Variants in DDX31 observed in about 807,000 individuals in gnomAD.
The protein encoded by DDX31 is DEAD-box helicase 31.
A neutral mutation model predicts 91.3 loss-of-function variants in DDX31; 70 were observed. The ratio of observed to expected loss-of-function variants is 0.77; its 90% CI spans 0.63 to 0.94. The LOEUF (loss-of-function observed/expected upper bound fraction) is 0.94. Ranked by LOEUF, DDX31 falls within the 40% of genes least tolerant of loss-of-function variation. The pLI is 0.00. For synonymous variants in DDX31, 362 were observed against 350.6 expected (o/e 1.03, Z -0.36); for missense variants, 902 against 925.0 (o/e 0.98, Z 0.32).
intron 4 of DDX31, among the ~76,000 whole-genome samples, chr9:132,660,034 C>A (rs974020797): frequency 2.6e-5 from 4 of 152,104 alleles, no homozygotes; most frequent in Non-Finnish European, 5.9e-5. Context: ...TAAACTAATT[C>A]TTTTAAAAAT....
chr9:132,650,535 C>T (rs1834121976), intron 8 of DDX31, among the ~76,000 whole-genome samples: 1 of 152,180 alleles, frequency 6.6e-6, no homozygotes, highest in Admixed American at 6.5e-5. Flanking sequence ...GAAATGTGAG[C>T]TTCTTAAATC....
chr9:132,654,612 CAAACA>C (rs762810467), intron 6 of DDX31, among the ~76,000 whole-genome samples: 19 of 151,802 alleles, frequency 1.3e-4, no homozygotes, highest in African/African-American at 2.4e-4. Flanking sequence ...GACTTCATCT[CAAACA>C]AAACAAAACA....
chr9:132,630,700 T>C (rs1407206872), intron 15 of DDX31, among the ~76,000 whole-genome samples: 3 of 152,178 alleles, frequency 2.0e-5, no homozygotes, highest in African/African-American at 7.2e-5. Flanking sequence ...CATTTTCTTA[T>C]TTGCATCTTT....
chr9:132,627,109 GAA>G (rs957165702), intron 16 of DDX31, among the ~76,000 whole-genome samples: 1 of 151,584 alleles, frequency 6.6e-6, no homozygotes, highest in Non-Finnish European at 1.5e-5. Flanking sequence ...TTTTTCTTGA[GAA>G]AAAAAGAGGA....
intron 14 of DDX31, among the ~76,000 whole-genome samples, chr9:132,641,623 C>T (rs1035919600): frequency 2.6e-5 from 4 of 152,146 alleles, no homozygotes; most frequent in Admixed American, 6.5e-5. Context: ...CCAAATGCAC[C>T]GATTTTCCTT....
intron 19 of DDX31, among the ~76,000 whole-genome samples, chr9:132,596,544 G>A (rs1263708297): frequency 6.6e-6 from 1 of 152,192 alleles, no homozygotes; most frequent in Non-Finnish European, 1.5e-5. Context: ...TGGGGTCTGT[G>A]GGAAATGATT....
intron 14 of DDX31, among the ~76,000 whole-genome samples, chr9:132,640,955 A>C (rs1407762701): frequency 6.6e-6 from 1 of 152,206 alleles, no homozygotes; most frequent in Non-Finnish European, 1.5e-5. Context: ...TCTCCTCAGG[A>C]GGCAAGTATT....
intron 19 of DDX31, among the ~76,000 whole-genome samples, chr9:132,609,055 G>A (rs897169851): frequency 1.3e-5 from 2 of 152,180 alleles, no homozygotes; most frequent in African/African-American, 4.8e-5. Context: ...GAAAGGCAGG[G>A]GTGGGGGGAG....
chr9:132,620,940 A>C (rs1831990623), intron 17 of DDX31, among the ~76,000 whole-genome samples: 1 of 152,214 alleles, frequency 6.6e-6, no homozygotes, highest in Non-Finnish European at 1.5e-5. Flanking sequence ...ATCCGCACGC[A>C]ATGCACCTTT....
Position 132,668,834 on chromosome 9 carries a change from C to T in DDX31, c.75+1026G>A, listed in dbSNP as rs570763646. On this transcript the variant is annotated intron_variant, in intron 1 of 19. Transcript: ENST00000372159. ...CCGCCTGCCTCGGCCTCCCAAAGTGCTGGGATTACAGGCGTGAGCCACCGC... is the reference window on the plus strand; with the variant it reads ...CCGCCTGCCTCGGCCTCCCAAAGTGTTGGGATTACAGGCGTGAGCCACCGC... 3.5e-3 allele frequency among the ~76,000 whole-genome samples: 527 copies of T among 152,300 alleles called. 1 individual carries two copies. The highest frequency in any genetic ancestry group is 0.012 in the African/African-American group (497 of 41,560).
At chr9:132,642,887 C>T (rs1322638511) in intron 13 of DDX31, among the ~76,000 whole-genome samples, 1 of 151,398 alleles carries the variant, frequency 6.6e-6, no homozygotes, top group Non-Finnish European at 1.5e-5. Flanking sequence ...GCTCACTGCA[C>T]AATCTCAGCT....
rs539807662 is a variant in DDX31 at position 132,628,012 on chromosome 9, AG to A, written c.1631+2251del. On this transcript the variant is annotated intron_variant, in intron 16 of 19. Transcript: ENST00000372159. ...ACTGCGCACTTTGCAACTAGTTAATAGGGGTTTTGTTGTTGTCGTTGTTGCT... is the reference window on the plus strand; with the variant it reads ...ACTGCGCACTTTGCAACTAGTTAATAGGGTTTTGTTGTTGTCGTTGTTGCT... Among the ~76,000 whole-genome samples the A allele has an allele frequency of 1.8e-4, 27 of 152,372 alleles. No homozygotes were observed. The South Asian group carries it at 5.6e-3, about 32-fold the overall frequency.
intron 14 of DDX31, chr9:132,637,922 G>GT (rs1564312222): frequency 4.0e-6 from 4 of 996,492 alleles, no homozygotes; most frequent in Admixed American, 5.8e-5. Context: ...CTTCACAGCC[G>GT]TATCTCCTTT....
intron 19 of DDX31, among the ~76,000 whole-genome samples, chr9:132,610,523 A>C (rs1831263171): frequency 6.6e-6 from 1 of 152,200 alleles, no homozygotes; most frequent in Non-Finnish European, 1.5e-5. Flanking sequence ...GGAGGTGCCA[A>C]GTCCCCCAGA....
intron 19 of DDX31, among the ~76,000 whole-genome samples, chr9:132,610,115 C>A (rs1479356369): frequency 3.3e-5 from 5 of 152,156 alleles, no homozygotes; most frequent in Admixed American, 1.3e-4. Flanking sequence ...GAGAGCAGAT[C>A]CTAAGACAGG....
rs575751304 is a variant in DDX31, at chr9:132,666,553, TCA to T, written c.75+3305_75+3306del. Among the ~76,000 whole-genome samples the T allele has an allele frequency of 5.3e-5, 8 of 152,244 alleles. No homozygotes were observed. In the South Asian group the frequency reaches 1.7e-3, roughly 32 times the overall value. On this transcript the variant is annotated intron_variant, in intron 1 of 19. Transcript: ENST00000372159. ...GTTTTGCTTTTGTTTTGAGACAGTCTCACACTGTCACCCCAGCTGGAGTGCAG... is the reference window on the plus strand; with the variant it reads ...GTTTTGCTTTTGTTTTGAGACAGTCTCACTGTCACCCCAGCTGGAGTGCAG...
chr9:132,637,290 T>G (rs1432803023), intron 14 of DDX31, among the ~76,000 whole-genome samples: 1 of 152,148 alleles, frequency 6.6e-6, no homozygotes, highest in Non-Finnish European at 1.5e-5. Flanking sequence ...TCTTAGAACT[T>G]AGATGTAGCT....
chr9:132,593,365 C>G lies in DDX31; in HGVS notation c.*1501G>C, dbSNP rs1451005300. The G allele has an allele frequency of 3.3e-5, 5 of 152,190 alleles. No homozygotes were observed. Among genetic ancestry groups the G allele is most frequent in the Admixed American group, 1.3e-4 (2 of 15,282 alleles). 9.4% of individuals were successfully genotyped at this position (152,190 alleles called of 1,614,324 possible). On this transcript the variant is annotated 3_prime_UTR_variant, in exon 20 of 20. Coordinates refer to ENST00000372159, the MANE Select transcript of DDX31 (RefSeq NM_022779.9). ...TGTTTTTCACACAGCTGGGTTTTGT[C>G]TATAAAGTTTGATCCCTCCTTTTCT...
chr9:132,628,809 GAC>G (rs1414627132), intron 16 of DDX31, among the ~76,000 whole-genome samples: 4 of 152,246 alleles, frequency 2.6e-5, no homozygotes, highest in African/African-American at 9.6e-5. Context: ...TGAAGCGACT[GAC>G]AGGCTGTTAT....
Sources: gnomAD v4.1 joint callset for allele counts (sites outside exome capture counted in the v4.1 genomes callset) on GRCh38, gnomAD v4.1.1 for gene constraint, MANE v1.5 for transcripts, NCBI Gene and HGNC (gene_info 2026-07-23, HGNC 2026-07-21) for gene names.